The following NOTCH2 variants were observed in gnomAD, a reference collection of about 807,000 sequenced individuals.
The protein encoded by NOTCH2 is neurogenic locus notch homolog protein 2.
In NOTCH2, 29 loss-of-function variants were observed where a neutral mutation model predicts 235.8. The observed-to-expected ratio is 0.12, with a 90% CI of 0.09 to 0.17. The LOEUF is 0.17. Among genes scored for constraint, NOTCH2 ranks in the 10% least tolerant of loss-of-function variants. The probability of loss-of-function intolerance (pLI) is 1.00; values close to 1 mark genes in which losing one functional copy is unlikely to be tolerated. For synonymous variants in NOTCH2, 1,086 were observed against 1,141.5 expected (o/e 0.95, Z 0.98); for missense variants, 2,285 against 3,150.2 (o/e 0.73, Z 6.57).
chr1:119,939,218 C>G (rs1283807379), intron 19 of NOTCH2, among the ~76,000 whole-genome samples: 1 of 152,118 alleles, frequency 6.6e-6, no homozygotes, highest in Admixed American at 6.5e-5. Flanking sequence ...AATGTTGTAA[C>G]AAAATGACAC....
intron 5 of NOTCH2, chr1:119,976,303 G>A (rs1553200948): frequency 6.6e-6 from 1 of 151,840 alleles, no homozygotes; most frequent in Non-Finnish European, 1.5e-5. Flanking sequence ...CCATACACAG[G>A]AGACTTTCTA....
Position 119,923,840 on chromosome 1 carries a change from C to T in NOTCH2, c.4656G>A (p.Leu1552=). ...CCTGGAGCAGTTGTTCAGGTGGCAT[C>T]AATACCACAATAACCAGGGTACCTT... ...LAEGTLVIVV[L]MPPEQLLQDA... The change falls in exon 26 of 34, where the codon TTG becomes TTA. Residue 1552 remains leucine (L), a synonymous_variant. Coordinates refer to ENST00000256646, the MANE Select transcript of NOTCH2 (RefSeq NM_024408.4). 1 of 1,614,168 alleles carries T rather than the reference C, an allele frequency of 6.2e-7. No individual in the cohort carries two copies. Among genetic ancestry groups the T allele is most frequent in the Non-Finnish European group, 8.5e-7 (1 of 1,180,038 alleles).
At chr1:119,973,960 TACA>T (rs1471344156) in intron 5 of NOTCH2, among the ~76,000 whole-genome samples, 8 of 151,276 alleles carry the variant, frequency 5.3e-5, no homozygotes, top group African/African-American at 1.2e-4. Flanking sequence ...CGGAACTTGA[TACA>T]ACAAGTAAAG....
chr1:119,987,175 C>T lies in NOTCH2; in HGVS notation c.752-93G>A, dbSNP rs969148350. ...CAGAACATGGTTATTAGAATAGACC[C>T]GCTTCATGACTTCAGTTCAACAGCT... On this transcript the variant is annotated intron_variant, in intron 4 of 33. Transcript: ENST00000256646. 1.6e-5 allele frequency: 23 copies of T among 1,452,784 alleles called. No homozygotes were observed. In the African/African-American group the frequency reaches 2.0e-4, roughly 12 times the overall value. 90.0% of individuals were successfully genotyped at this position (1,452,784 alleles called of 1,614,324 possible). A position where few individuals can be genotyped will look rare whatever the true frequency, so the allele number is the denominator to read the frequency against.
At chr1:119,940,463 T>C in intron 19 of NOTCH2, 92 bp downstream of exon 19, 1 of 1,204,452 alleles carries the variant, frequency 8.3e-7, no homozygotes. Context: ...CAATTTTCTC[T>C]TTTAGAAGGA....
chr1:119,986,627 T>C (rs1201947184), intron 5 of NOTCH2, among the ~76,000 whole-genome samples: 3 of 152,184 alleles, frequency 2.0e-5, no homozygotes, highest in Non-Finnish European at 1.5e-5. Flanking sequence ...TTAATATTTA[T>C]TAAGCATCTA....
At chr1:119,931,733 T>G (rs911018778) in intron 22 of NOTCH2, among the ~76,000 whole-genome samples, 5 of 151,828 alleles carry the variant, frequency 3.3e-5, no homozygotes, top group African/African-American at 1.2e-4. Flanking sequence ...GCAAAAGTAC[T>G]TGAAGAAAAT....
chr1:119,917,352 G>A (rs587603100), intron 33 of NOTCH2, among the ~76,000 whole-genome samples: 30 of 152,260 alleles, frequency 2.0e-4, no homozygotes, highest in African/African-American at 4.8e-4. Context: ...GAAAGAAAAC[G>A]AGAAAAAGAA....
At chr1:119,949,585 A>G (rs1427706807) in intron 15 of NOTCH2, among the ~76,000 whole-genome samples, 1 of 151,884 alleles carries the variant, frequency 6.6e-6, no homozygotes, top group East Asian at 1.9e-4. Flanking sequence ...ACGGGGTTTC[A>G]CCATGTTAGC....
At chr1:119,936,361 C>G (rs958354818) in intron 21 of NOTCH2, among the ~76,000 whole-genome samples, 2 of 152,176 alleles carry the variant, frequency 1.3e-5, no homozygotes, top group Non-Finnish European at 2.9e-5. Context: ...GCTCTAAAGG[C>G]CAGCATCAGC....
chr1:119,949,221 G>T, intron 15 of NOTCH2, 95 bp from the exon 16 acceptor site: 1 of 1,322,842 alleles, frequency 7.6e-7, no homozygotes, highest in Non-Finnish European at 1.1e-6. Flanking sequence ...CAAGTCAAAA[G>T]TCCTGATTAA....
intron 9 of NOTCH2, 41 bp downstream of exon 9, chr1:119,966,335 T>G: frequency 7.3e-7 from 1 of 1,379,152 alleles, no homozygotes; most frequent in East Asian, 2.3e-5. Context: ...CAGTTGGCTT[T>G]GTGCTTTAAG....
At chr1:119,967,305 C>A in intron 8 of NOTCH2, 128 bp downstream of exon 8, 1 of 897,562 alleles carries the variant, frequency 1.1e-6, no homozygotes. Flanking sequence ...CCTCTAGTCC[C>A]CAGTCAGCAA....
In NOTCH2 at chr1:119,944,857, A is replaced by G. The variant is rs587642316; in HGVS notation, c.2753-3103T>C. ...AAGACTTCATCACCAGGAGACAAAGACTACACAAAATATTCAAGGGATTTT... is the reference window on the plus strand; with the variant it reads ...AAGACTTCATCACCAGGAGACAAAGGCTACACAAAATATTCAAGGGATTTT... On this transcript the variant is annotated intron_variant, in intron 17 of 33. Coordinates refer to ENST00000256646, the MANE Select transcript of NOTCH2 (RefSeq NM_024408.4). Among the ~76,000 whole-genome samples, 14 of 152,310 alleles carry G rather than the reference A, an allele frequency of 9.2e-5. No homozygotes were observed. In the East Asian group the frequency reaches 2.3e-3, roughly 25 times the overall value.
intron 12 of NOTCH2, 27 bp downstream of exon 12, chr1:119,959,365 G>A (rs1234316764): frequency 2.6e-6 from 3 of 1,176,106 alleles, no homozygotes; most frequent in South Asian, 1.2e-5. Flanking sequence ...GGCTGAAGGA[G>A]GGGCCTTGCA....
chr1:119,997,424 TGGA>T (rs1273268309), intron 3 of NOTCH2, 92 bp from the exon 4 acceptor site: 3 of 1,164,234 alleles, frequency 2.6e-6, no homozygotes, highest in East Asian at 2.3e-5. Context: ...AGCTCTTGCG[TGGA>T]GAAGACCTCA....
intron 4 of NOTCH2, among the ~76,000 whole-genome samples, chr1:119,987,568 T>C (rs1553202381): frequency 6.6e-6 from 1 of 151,924 alleles, no homozygotes; most frequent in Non-Finnish European, 1.5e-5. Flanking sequence ...ATAGGAAAAA[T>C]ATTGAACTTA....
At chr1:120,040,825 CAGG>C (rs1654514657) in intron 1 of NOTCH2, among the ~76,000 whole-genome samples, 1 of 149,846 alleles carries the variant, frequency 6.7e-6, no homozygotes, top group South Asian at 2.1e-4. Flanking sequence ...ATCACGAGGT[CAGG>C]AGATCGAGAC....
chr1:119,913,454 C>T lies in NOTCH2; in HGVS notation c.*1852G>A, dbSNP rs1648957337. 8.6e-6 allele frequency: 2 copies of T among 233,164 alleles called. No individual in the cohort carries two copies. Among genetic ancestry groups the T allele is most frequent in the South Asian group, 3.6e-4 (2 of 5,530 alleles). 14.4% of individuals were successfully genotyped at this position (233,164 alleles called of 1,614,324 possible). On this transcript the variant is annotated 3_prime_UTR_variant, in exon 34 of 34. Transcript: ENST00000256646. ...CAAACCAAAAGAGTCGGGAATTCACCTGTTAATATCTACAAAATGCCCAGG... is the reference window on the plus strand; with the variant it reads ...CAAACCAAAAGAGTCGGGAATTCACTTGTTAATATCTACAAAATGCCCAGG...
Sources: allele counts gnomAD v4.1 joint callset (sites outside exome capture counted in the v4.1 genomes callset), GRCh38; gene constraint gnomAD v4.1.1; transcripts MANE v1.5; gene names NCBI Gene and HGNC (gene_info 2026-07-23, HGNC 2026-07-21).